Variants in GPHN observed in about 807,000 individuals in gnomAD.
GPHN encodes gephyrin.
Under a neutral mutation model 95.5 loss-of-function variants are expected in GPHN, and 17 were observed. The ratio of observed to expected loss-of-function variants is 0.18; its 90% CI spans 0.12 to 0.27. The LOEUF is 0.27. GPHN is among the 10% of genes least tolerant of loss of function. The pLI is 1.00. For synonymous variants in GPHN, 320 were observed against 322.5 expected, an observed-to-expected ratio of 0.99 and a Z score of 0.08; for missense variants, 660 against 978.1, an observed-to-expected ratio of 0.67 and a Z score of 4.34.
intron 1 of GPHN, among the ~76,000 whole-genome samples, chr14:66,680,066 C>G (rs942975620): frequency 2.6e-5 from 4 of 152,196 alleles, no homozygotes; most frequent in Admixed American, 2.0e-4. Flanking sequence ...ATCACCTCAA[C>G]TCAATTATGA....
At chr14:66,639,864 A>G (rs2064299466) in intron 1 of GPHN, among the ~76,000 whole-genome samples, 1 of 152,174 alleles carries the variant, frequency 6.6e-6, no homozygotes, top group African/African-American at 2.4e-5. Context: ...ATTTTGTCTG[A>G]AATTAAAGCT....
chr14:67,596,294 A>G, the GPHN span, among the ~76,000 whole-genome samples: 1 of 20,934 alleles, frequency 4.8e-5, no homozygotes, highest in South Asian at 1.7e-3. Flanking sequence ...ACGCCCAGCT[A>G]ATTTTTTTTT....
chr14:67,288,539 T>C, the GPHN span, among the ~76,000 whole-genome samples: 1 of 152,232 alleles, frequency 6.6e-6, no homozygotes, highest in Non-Finnish European at 1.5e-5. Flanking sequence ...AGTAATTTAA[T>C]TGTCTACTCA....
chr14:66,969,318 C>T (rs781754561), intron 9 of GPHN: 8 of 152,052 alleles, frequency 5.3e-5, no homozygotes, highest in Non-Finnish European at 1.0e-4. Context: ...TCAAATAGTA[C>T]ATAAATTATA....
chr14:67,421,845 A>G, the GPHN span, among the ~76,000 whole-genome samples: 7 of 152,092 alleles, frequency 4.6e-5, no homozygotes, highest in African/African-American at 1.4e-4. Flanking sequence ...CTCCACTGCC[A>G]CTTCTCATTG....
chr14:67,473,525 C>G, the GPHN span: 2 of 1,614,146 alleles, frequency 1.2e-6, no homozygotes, highest in Admixed American at 1.7e-5. This position sits in a 1 kb window ranked among gnomAD's most constrained non-coding sequence, Gnocchi z 6.5. Flanking sequence ...GGATGATGAA[C>G]TGCTCCATGA....
intron 9 of GPHN, among the ~76,000 whole-genome samples, chr14:67,003,767 AATG>A (rs1293934775): frequency 4.0e-5 from 6 of 151,696 alleles, no homozygotes; most frequent in South Asian, 4.1e-4. Flanking sequence ...CTTCCTGGTA[AATG>A]ATGATATTTC....
chr14:66,740,653 C>G (rs920280334), intron 2 of GPHN, among the ~76,000 whole-genome samples: 1 of 151,644 alleles, frequency 6.6e-6, no homozygotes, highest in Non-Finnish European at 1.5e-5. Flanking sequence ...GTGGTAAGTG[C>G]TTATCATATT....
At chr14:67,578,127 G>A in the GPHN span, 3 of 1,613,894 alleles carry the variant, frequency 1.9e-6, no homozygotes, top group Admixed American at 3.3e-5. This position sits in a 1 kb window ranked among gnomAD's most constrained non-coding sequence, Gnocchi z 5.0. Context: ...ACCCCGAGCT[G>A]CAGAGTGAGA....
the GPHN span, among the ~76,000 whole-genome samples, chr14:67,289,809 C>T: frequency 4.1e-5 from 5 of 122,534 alleles, no homozygotes; most frequent in Non-Finnish European, 4.7e-5. Context: ...GTCTCTCTGT[C>T]GCCCAAGCTG....
At chr14:66,668,359 A>G (rs149748674) in intron 1 of GPHN, among the ~76,000 whole-genome samples, 3 of 152,356 alleles carry the variant, frequency 2.0e-5, no homozygotes, top group Non-Finnish European at 4.4e-5. Context: ...ACTTATGACA[A>G]TAGCAAACAT....
the GPHN span, among the ~76,000 whole-genome samples, chr14:67,631,250 C>T: frequency 6.6e-6 from 1 of 152,124 alleles, no homozygotes; most frequent in Non-Finnish European, 1.5e-5. Context: ...AATGTGGCTT[C>T]GTAGGCCATC....
At chr14:67,664,078 T>C in the GPHN span, among the ~76,000 whole-genome samples, 1 of 152,204 alleles carries the variant, frequency 6.6e-6, no homozygotes, top group African/African-American at 2.4e-5. Flanking sequence ...GTTACCATCA[T>C]TTACAATGTT....
At chr14:66,683,626 T>C (rs530855000) in intron 2 of GPHN, among the ~76,000 whole-genome samples, 15 of 145,910 alleles carry the variant, frequency 1.0e-4, no homozygotes, top group African/African-American at 3.9e-4. Flanking sequence ...AGGAGTTGAA[T>C]TGTTAATGGT....
the GPHN span, chr14:67,649,152 G>C: frequency 5.3e-5 from 8 of 152,308 alleles, no homozygotes; most frequent in East Asian, 1.4e-3. Context: ...ACTTAGAGCA[G>C]GGGTTAATAA....
At chr14:66,860,902 G>T (rs1338149074) in intron 4 of GPHN, among the ~76,000 whole-genome samples, 1 of 151,724 alleles carries the variant, frequency 6.6e-6, no homozygotes, top group African/African-American at 2.4e-5. Context: ...AATATATAAA[G>T]CAAGAAATTA....
intron 8 of GPHN, among the ~76,000 whole-genome samples, chr14:66,950,626 C>G (rs1381674696): frequency 1.3e-5 from 2 of 152,018 alleles, no homozygotes; most frequent in Non-Finnish European, 2.9e-5. Context: ...TTGTTTCTCC[C>G]TAGTTGTTGA....
the GPHN span, chr14:67,473,569 C>G: frequency 6.2e-7 from 1 of 1,612,910 alleles, no homozygotes; most frequent in Non-Finnish European, 8.5e-7. This position sits in a 1 kb window ranked among gnomAD's most constrained non-coding sequence, Gnocchi z 6.5. Flanking sequence ...ACGGCGTACT[C>G]CAGGGTGATG....
intron 1 of GPHN, among the ~76,000 whole-genome samples, chr14:66,672,039 A>T (rs181867203): frequency 6.6e-6 from 1 of 152,180 alleles, no homozygotes; most frequent in Admixed American, 6.5e-5. Context: ...GGCTTAGATT[A>T]TTAATTTTAA....
Sources: allele counts gnomAD v4.1 joint callset (sites outside exome capture counted in the v4.1 genomes callset), GRCh38; gene constraint gnomAD v4.1.1; non-coding constraint Gnocchi (gnomAD v3.1); transcripts MANE v1.5; gene names NCBI Gene and HGNC (gene_info 2026-07-23, HGNC 2026-07-21).